SYNE1: variants seen among roughly 807,000 people sequenced by gnomAD.
The protein encoded by SYNE1 is nesprin-1.
A neutral mutation model predicts 1,111.0 loss-of-function variants in SYNE1; 616 were observed. That is an observed-to-expected ratio of 0.55 (90% CI 0.52 to 0.59). SYNE1 has a LOEUF of 0.59. Among genes scored for constraint, SYNE1 ranks in the 20% least tolerant of loss-of-function variants. The pLI, the probability that SYNE1 is intolerant of heterozygous loss-of-function variation, is 0.00. For missense variants in SYNE1, 10,006 were observed against 10,417.0 expected (o/e 0.96, Z 1.72); for synonymous variants, 3,855 against 3,825.8 (o/e 1.01, Z -0.28).
intron 88 of SYNE1, 52 bp from the exon 89 acceptor site, chr6:152,310,570 A>ACTT (rs2095516228): frequency 6.2e-7 from 1 of 1,613,038 alleles, no homozygotes; most frequent in African/African-American, 1.3e-5. Flanking sequence ...CCATAGGGGA[A>ACTT]GAATAACATC....
At chr6:152,558,979 TA>T (rs1279672991) in intron 3 of SYNE1, among the ~76,000 whole-genome samples, 7 of 72,920 alleles carry the variant, frequency 9.6e-5, no homozygotes, top group South Asian at 1.0e-3. Context: ...ATTTAATTTT[TA>T]TTTATTTATT....
chr6:152,385,090 A>G (rs886628240), intron 55 of SYNE1, among the ~76,000 whole-genome samples: 5 of 152,128 alleles, frequency 3.3e-5, no homozygotes, highest in Non-Finnish European at 7.4e-5. Context: ...GTTAAAATCC[A>G]TTTTCCATGG....
At chr6:152,252,668 C>CA (rs1338096343) in intron 104 of SYNE1, among the ~76,000 whole-genome samples, 1 of 152,104 alleles carries the variant, frequency 6.6e-6, no homozygotes, top group Non-Finnish European at 1.5e-5. Flanking sequence ...AAAGTTAAAA[C>CA]AAAAAGGAAA....
chr6:152,416,283 T>C lies in SYNE1; in HGVS notation c.6050+104A>G, dbSNP rs1360643960. 22 of 1,536,196 alleles carry C rather than the reference T, an allele frequency of 1.4e-5. No individual in the cohort carries two copies. The East Asian group carries it at 4.7e-4, about 33-fold the overall frequency. On this transcript the variant is annotated intron_variant, in intron 41 of 145. Transcript: ENST00000367255. ...TGGCAGAGTGAATTGGGGTCCTGAG[T>C]TTTTATTTTCCTTGAACAGTACTAA...
intron 3 of SYNE1, among the ~76,000 whole-genome samples, chr6:152,542,381 G>A (rs2099275487): frequency 6.6e-6 from 1 of 152,106 alleles, no homozygotes; most frequent in Non-Finnish European, 1.5e-5. Flanking sequence ...TAATTTTCAA[G>A]TGTATATAAA....
chr6:152,362,198 T>C lies in SYNE1; in HGVS notation c.10271A>G (p.Asp3424Gly). ...GGCTTTTCCGAGCATCGTTGTTTTA[T>C]CCCGCAGCTCCGCATGCTGCCTTTC... Reference protein sequence around the residue: ...ESERQHAELRDKTTMLGKAKL... With the variant: ...ESERQHAELRGKTTMLGKAKL... Residue 3424 changes from aspartate to glycine, a missense_variant, in exon 64 of 146, where the codon GAT (aspartate) becomes GGT (glycine). By Grantham distance (94) the Asp-to-Gly change is moderately conservative. This residue lies in a region of SYNE1 where 4,955 missense variants were observed against 5,017.2 expected (regional missense o/e 0.99). Transcript: ENST00000367255. 1 of 1,614,244 alleles carries C rather than the reference T, an allele frequency of 6.2e-7. No individual in the cohort carries two copies. The highest frequency in any genetic ancestry group is 1.6e-4 in the Middle Eastern group (1 of 6,062).
chr6:152,561,795 G>A (rs1000932753), intron 3 of SYNE1, among the ~76,000 whole-genome samples: 5 of 152,054 alleles, frequency 3.3e-5, no homozygotes, highest in African/African-American at 1.2e-4. Context: ...AAGGCATCAA[G>A]AATACACAAT....
chr6:152,215,917 C>T (rs1475970100), intron 121 of SYNE1, among the ~76,000 whole-genome samples: 1 of 152,158 alleles, frequency 6.6e-6, no homozygotes, highest in African/African-American at 2.4e-5. Context: ...ATTTTAAGAG[C>T]TCCAGTTTTA....
At chr6:152,307,331 T>A (rs1406919220) in intron 91 of SYNE1, among the ~76,000 whole-genome samples, 1 of 152,124 alleles carries the variant, frequency 6.6e-6, no homozygotes, top group Non-Finnish European at 1.5e-5. Flanking sequence ...AGGGTGAGAT[T>A]TTTCATCCTT....
intron 3 of SYNE1, among the ~76,000 whole-genome samples, chr6:152,602,400 C>G (rs1432163164): frequency 6.6e-6 from 1 of 152,062 alleles, no homozygotes; most frequent in African/African-American, 2.4e-5. Context: ...ACAGATCCTT[C>G]CCTCCCAACC....
At chr6:152,231,043 G>A (rs764838058) in intron 114 of SYNE1, among the ~76,000 whole-genome samples, 5 of 152,112 alleles carry the variant, frequency 3.3e-5, no homozygotes, top group South Asian at 2.1e-4. Context: ...CATGCAGCCC[G>A]CGGGCTGGGC....
chr6:152,506,249 T>C (rs1231610203), intron 8 of SYNE1, among the ~76,000 whole-genome samples: 2 of 152,168 alleles, frequency 1.3e-5, no homozygotes, highest in African/African-American at 4.8e-5. Context: ...ATAAAGGCAG[T>C]TCCGAAAACA....
chr6:152,212,207 C>T lies in SYNE1; in HGVS notation c.22495-619G>A, dbSNP rs1050684835. ...TTATTATATTTACAGACTTTACAAT[C>T]ATTACCACAATCAATTTTAGAATTT... is the stretch of plus-strand genomic sequence containing the variant. On this transcript the variant is annotated intron_variant, in intron 123 of 145. Transcript: ENST00000367255. 3.3e-5 allele frequency among the ~76,000 whole-genome samples: 5 copies of T among 152,212 alleles called. No individual in the cohort carries two copies. In the East Asian group the frequency reaches 9.6e-4, roughly 29 times the overall value.
intron 93 of SYNE1, among the ~76,000 whole-genome samples, chr6:152,294,790 C>T (rs2094788926): frequency 1.3e-5 from 2 of 151,860 alleles, no homozygotes; most frequent in Non-Finnish European, 1.5e-5. Context: ...TATAACATTA[C>T]ATATTTTATT....
intron 89 of SYNE1, 109 bp from the exon 90 acceptor site, chr6:152,310,126 A>C (rs2095503005): frequency 2.9e-6 from 4 of 1,370,906 alleles, no homozygotes; most frequent in Non-Finnish European, 4.0e-6. Context: ...TTTTGCAAAA[A>C]AAAAAAAATG....
At chr6:152,466,227 C>G in intron 16 of SYNE1, 149 bp from the exon 17 acceptor site, 1 of 631,616 alleles carries the variant, frequency 1.6e-6, no homozygotes, top group East Asian at 2.8e-5. Context: ...TCCACTGCTA[C>G]AAATTACCTA....
At chr6:152,212,031 A>G (rs1301691676) in intron 123 of SYNE1, among the ~76,000 whole-genome samples, 1 of 152,046 alleles carries the variant, frequency 6.6e-6, no homozygotes, top group Non-Finnish European at 1.5e-5. Context: ...AAATTTTAAA[A>G]TTAATAAATT....
chr6:152,588,483 T>C (rs1225362075), intron 3 of SYNE1, among the ~76,000 whole-genome samples: 2 of 152,196 alleles, frequency 1.3e-5, no homozygotes, highest in East Asian at 3.9e-4. Flanking sequence ...CCTGAGTAGA[T>C]GGACAGCCAA....
chr6:152,156,368 T>C (rs1273161007), intron 131 of SYNE1, among the ~76,000 whole-genome samples: 1 of 152,186 alleles, frequency 6.6e-6, no homozygotes, highest in Non-Finnish European at 1.5e-5. Context: ...CTAACTTCTT[T>C]AATCAATAAA....
Sources: gnomAD v4.1 joint callset for allele counts (sites outside exome capture counted in the v4.1 genomes callset) on GRCh38, gnomAD v4.1.1 for gene constraint, gnomAD v4.1.1 regional missense constraint, MANE v1.5 for transcripts, NCBI Gene and HGNC (gene_info 2026-07-23, HGNC 2026-07-21) for gene names.